FGF14: variants seen among roughly 807,000 people sequenced by gnomAD.
FGF14 encodes fibroblast growth factor homologous factor 4.
A neutral mutation model predicts 25.5 loss-of-function variants in FGF14; 5 were observed. The observed-to-expected ratio is 0.20, with a 90% confidence interval of 0.10 to 0.41. The LOEUF is 0.41. Among genes scored for constraint, FGF14 ranks in the 10% least tolerant of loss-of-function variants. FGF14 has a pLI of 1.00. For synonymous variants in FGF14, 138 were observed against 118.3 expected, an observed-to-expected ratio of 1.17 and a Z score of -1.08; for missense variants, 222 against 320.1, an observed-to-expected ratio of 0.69 and a Z score of 2.34.
In FGF14 at chr13:102,400,063, A is replaced by ACCT. The variant is rs1245587363; in HGVS notation, c.208+1405_208+1407dup. 5.7e-5 allele frequency among the ~76,000 whole-genome samples: 8 copies of ACCT among 140,412 alleles called. No individual in the cohort carries two copies. The highest frequency in any genetic ancestry group is 1.8e-4 in the African/African-American group (7 of 38,590). 92.1% of individuals were successfully genotyped at this position (140,412 alleles called of 152,430 possible). A position where few individuals can be genotyped will look rare whatever the true frequency, so the allele number is the denominator to read the frequency against. ...ACCGCCTCCGTCCCCGCCCACCCGC[A>ACCT]CCTCCTCCTCCTCTGCCTCGCGCTG... On this transcript the variant is annotated intron_variant, in intron 1 of 4. Coordinates refer to the FGF14 transcript ENST00000376131. The surrounding 1 kb of genome is among the most constrained non-coding windows in gnomAD (Gnocchi z 4.3).
chr13:102,026,115 T>G (rs913368375), intron 1 of FGF14, among the ~76,000 whole-genome samples: 3 of 152,030 alleles, frequency 2.0e-5, no homozygotes, highest in Non-Finnish European at 2.9e-5. Context: ...TGAAGTTCTC[T>G]TCTGTTCCTA....
intron 3 of FGF14, among the ~76,000 whole-genome samples, chr13:101,781,169 T>C (rs1205608577): frequency 6.6e-6 from 1 of 152,138 alleles, no homozygotes; most frequent in Non-Finnish European, 1.5e-5. Flanking sequence ...TCATTTCAGT[T>C]AAGTTGTATG....
intron 3 of FGF14, among the ~76,000 whole-genome samples, chr13:101,745,937 T>C (rs917379538): frequency 1.3e-5 from 2 of 151,956 alleles, no homozygotes; most frequent in African/African-American, 4.8e-5. Flanking sequence ...GAAAAGGAGG[T>C]AGGTTTCAGA....
rs539054466 is a variant in FGF14, at chr13:101,916,677, G to A, written c.-32C>T. The A allele has an allele frequency of 4.4e-5, 65 of 1,473,788 alleles. No homozygotes were observed. The African/African-American group carries it at 7.9e-4, about 18-fold the overall frequency. The allele number at this position is 1,473,788 out of a possible 1,614,324, so 91.3% of individuals were successfully genotyped here. On this transcript the variant is annotated 5_prime_UTR_variant, in exon 1 of 5. Transcript: ENST00000376143. ...CCCGGGAACGGGTCCGGGGAGGGAG[G>A]GCGCGGGAGGACGGCGAGCCGGGGG... is the stretch of plus-strand genomic sequence containing the variant.
chr13:102,113,916 G>A (rs530051866), intron 1 of FGF14, among the ~76,000 whole-genome samples: 343 of 152,316 alleles, frequency 2.3e-3, no homozygotes, highest in African/African-American at 7.6e-3. Context: ...TTCAAGAAAA[G>A]GCATCAAGGC....
At chr13:101,816,466 T>A (rs1477173344) in intron 3 of FGF14, among the ~76,000 whole-genome samples, 2 of 152,086 alleles carry the variant, frequency 1.3e-5, no homozygotes, top group African/African-American at 2.4e-5. Context: ...AATAGCAACT[T>A]ATTCCCTGAA....
intron 1 of FGF14, among the ~76,000 whole-genome samples, chr13:102,329,982 T>C (rs1378061564): frequency 2.0e-5 from 3 of 152,154 alleles, no homozygotes; most frequent in Non-Finnish European, 2.9e-5. Context: ...TTGAGCATCA[T>C]GTTCACTTCC....
In FGF14 at chr13:101,722,984, A is replaced by C; in HGVS notation, c.608-17T>G. On this transcript the variant is annotated splice_polypyrimidine_tract_variant and intron_variant, in intron 4 of 4. Coordinates refer to ENST00000376143, the MANE Select transcript of FGF14 (RefSeq NM_004115.4). Reference sequence around the variant, plus strand: ...ACATGGCAACTAGTGATGGGAAGAAAGGAGGAGGAAAAGCAAACATTGCTT... The same window carrying C: ...ACATGGCAACTAGTGATGGGAAGAACGGAGGAGGAAAAGCAAACATTGCTT... The C allele has an allele frequency of 6.2e-7, 1 of 1,613,038 alleles. No homozygotes were observed. Among genetic ancestry groups the C allele is most frequent in the Non-Finnish European group, 8.5e-7 (1 of 1,179,306 alleles).
At chr13:102,342,977 T>A (rs1257911429) in intron 1 of FGF14, among the ~76,000 whole-genome samples, 4 of 152,138 alleles carry the variant, frequency 2.6e-5, no homozygotes, top group Non-Finnish European at 5.9e-5. Flanking sequence ...AACTACAACA[T>A]TAATACAAAA....
At chr13:101,847,109 A>T (rs1284074770) in intron 3 of FGF14, among the ~76,000 whole-genome samples, 1 of 152,006 alleles carries the variant, frequency 6.6e-6, no homozygotes, top group South Asian at 2.1e-4. Flanking sequence ...CAACTTTGAG[A>T]CAGAACAAAA....
At chr13:101,743,502 T>C (rs1298682418) in intron 3 of FGF14, among the ~76,000 whole-genome samples, 1 of 152,212 alleles carries the variant, frequency 6.6e-6, no homozygotes, top group Non-Finnish European at 1.5e-5. Flanking sequence ...TCTGTGATTG[T>C]CTAATTTGTA....
chr13:102,166,886 A>C (rs1417892558), intron 1 of FGF14, among the ~76,000 whole-genome samples: 3 of 152,268 alleles, frequency 2.0e-5, no homozygotes, highest in Middle Eastern at 3.4e-3. Flanking sequence ...AGTATTTGCT[A>C]ATTCACTGTT....
At chr13:101,903,425 C>T (rs985272651) in intron 1 of FGF14, among the ~76,000 whole-genome samples, 1 of 152,032 alleles carries the variant, frequency 6.6e-6, no homozygotes, top group African/African-American at 2.4e-5. Context: ...CAGATTCGAA[C>T]CCTAGAAGAA....
chr13:102,319,595 C>T (rs184351124), intron 1 of FGF14, among the ~76,000 whole-genome samples: 6 of 152,286 alleles, frequency 3.9e-5, no homozygotes, highest in Admixed American at 3.3e-4. Flanking sequence ...TGCTAGGAGC[C>T]GAACCAGCTG....
intron 3 of FGF14, among the ~76,000 whole-genome samples, chr13:101,818,793 G>T (rs943985226): frequency 6.6e-6 from 1 of 152,122 alleles, no homozygotes; most frequent in East Asian, 1.9e-4. Context: ...GAAGCAGAAC[G>T]TGAACCTTTA....
At chr13:102,052,307 T>G (rs905798295) in intron 1 of FGF14, among the ~76,000 whole-genome samples, 3 of 150,906 alleles carry the variant, frequency 2.0e-5, no homozygotes, top group African/African-American at 7.3e-5. Flanking sequence ...GAAAAGAGAG[T>G]GATAAAAAGC....
At chr13:101,991,241 A>T (rs1178427703) in intron 1 of FGF14, among the ~76,000 whole-genome samples, 1 of 152,162 alleles carries the variant, frequency 6.6e-6, no homozygotes, top group African/African-American at 2.4e-5. Flanking sequence ...GGTAACAATC[A>T]CCACCAAATA....
At chr13:102,216,846 C>A (rs9582564) in intron 1 of FGF14, among the ~76,000 whole-genome samples, 1 of 152,136 alleles carries the variant, frequency 6.6e-6, no homozygotes, top group Non-Finnish European at 1.5e-5. Flanking sequence ...AATCACAATT[C>A]TATTTTCTAA....
At chr13:102,110,960 C>A (rs776154315) in intron 1 of FGF14, among the ~76,000 whole-genome samples, 4 of 152,174 alleles carry the variant, frequency 2.6e-5, no homozygotes, top group Admixed American at 6.5e-5. Context: ...TGGTTAGAAT[C>A]TTTATCCTGA....
Sources: gnomAD v4.1 joint callset for allele counts (sites outside exome capture counted in the v4.1 genomes callset) on GRCh38, gnomAD v4.1.1 for gene constraint, Gnocchi (gnomAD v3.1) non-coding constraint, MANE v1.5 for transcripts, NCBI Gene and HGNC (gene_info 2026-07-23, HGNC 2026-07-21) for gene names.